BIRC6: variants seen among roughly 807,000 people sequenced by gnomAD.
BIRC6 encodes the protein baculoviral IAP repeat containing 6.
In BIRC6, 98 loss-of-function variants were observed where a neutral mutation model predicts 503.3. The observed-to-expected ratio is 0.19, with a 90% CI of 0.17 to 0.23. BIRC6 has a LOEUF of 0.23. BIRC6 is among the 10% of genes least tolerant of loss of function. The pLI, the probability that BIRC6 is intolerant of heterozygous loss-of-function variation, is 1.00. For missense variants in BIRC6, 5,360 were observed against 5,806.0 expected, an observed-to-expected ratio of 0.92 and a Z score of 2.50; for synonymous variants, 2,240 against 2,078.7, an observed-to-expected ratio of 1.08 and a Z score of -2.11.
chr2:32,473,221 G>A lies in BIRC6; in HGVS notation c.6702G>A (p.Gln2234=), dbSNP rs1322724606. 1.9e-6 allele frequency: 3 copies of A among 1,544,404 alleles called. No homozygotes were observed. In the East Asian group the frequency reaches 7.3e-5, roughly 37 times the overall value. Residue 2234 remains glutamine (Q), a synonymous_variant, in exon 33 of 74, where the codon CAG becomes CAA. Coordinates refer to ENST00000421745, the MANE Select transcript of BIRC6 (RefSeq NM_016252.4). ...TATATTCCAGAAAAATCAGAAAGCA[G>A]CTTGTTCATCATAAACAGGTAATTG... ...DRLYSRKIRK[Q]LVHHKQQLNL... is the part of the protein sequence containing the mutation.
rs749735385 is a variant in BIRC6 at position 32,477,373 on chromosome 2, T to G, written c.6858T>G (p.Phe2286Leu). 3 of 1,613,644 alleles carry G rather than the reference T, an allele frequency of 1.9e-6. No homozygotes were observed. The African/African-American group carries it at 4.0e-5, about 22-fold the overall frequency. ...CTATACATTTTTGTGTGCAGCACTTTAAGGATTTAATTCGTTTACGTCGGA... is the reference window on the plus strand; with the variant it reads ...CTATACATTTTTGTGTGCAGCACTTGAAGGATTTAATTCGTTTACGTCGGA... ...AKLKQATSKH[F>L]KDLIRLRRTA... The change falls in exon 35 of 74, where the codon TTT (phenylalanine) becomes TTG (leucine). Residue 2286 changes from phenylalanine to leucine, a missense_variant. By Grantham distance (22) the Phe-to-Leu change is conservative. Coordinates refer to ENST00000421745, the MANE Select transcript of BIRC6 (RefSeq NM_016252.4).
intron 10 of BIRC6, among the ~76,000 whole-genome samples, chr2:32,425,912 C>T (rs2043437379): frequency 1.3e-5 from 2 of 152,254 alleles, no homozygotes; most frequent in African/African-American, 4.8e-5. Flanking sequence ...ACATGTGCCA[C>T]TTTCCCCCAC....
intron 39 of BIRC6, 131 bp downstream of exon 39, chr2:32,482,713 G>A (rs1292786104): frequency 4.4e-6 from 4 of 902,096 alleles, no homozygotes; most frequent in Admixed American, 5.2e-5. Context: ...TGTGCCGTGA[G>A]TACCATTCAG....
intron 28 of BIRC6, 34 bp from the exon 29 acceptor site, chr2:32,468,403 A>C: frequency 6.8e-7 from 1 of 1,475,990 alleles, no homozygotes; most frequent in Non-Finnish European, 9.2e-7. Flanking sequence ...AGGACATTAC[A>C]AGAATTATTT....
At chr2:32,523,281 A>G (rs2055927572) in intron 57 of BIRC6, 1 of 152,156 alleles carries the variant, frequency 6.6e-6, no homozygotes, top group South Asian at 2.1e-4. Context: ...GGAAGTTGAG[A>G]AATTTTTTTT....
At chr2:32,378,385 A>G (rs1165892837) in intron 2 of BIRC6, among the ~76,000 whole-genome samples, 1 of 152,130 alleles carries the variant, frequency 6.6e-6, no homozygotes, top group Non-Finnish European at 1.5e-5. Context: ...AGACTGGGAA[A>G]GAGGTGGTTC....
chr2:32,429,089 T>C, intron 10 of BIRC6, 57 bp from the exon 11 acceptor site: 1 of 1,403,458 alleles, frequency 7.1e-7, no homozygotes, highest in Admixed American at 2.4e-5. Flanking sequence ...GTATTACATT[T>C]GAATATTTGA....
At chr2:32,544,057 G>A (rs1349222988) in intron 62 of BIRC6, among the ~76,000 whole-genome samples, 1 of 152,156 alleles carries the variant, frequency 6.6e-6, no homozygotes, top group African/African-American at 2.4e-5. Flanking sequence ...TAAATGGAAA[G>A]AGCAGTGTTT....
At chr2:32,403,088 C>T (rs1453770263) in intron 8 of BIRC6, among the ~76,000 whole-genome samples, 1 of 152,136 alleles carries the variant, frequency 6.6e-6, no homozygotes, top group Non-Finnish European at 1.5e-5. Context: ...AAGTCTCAAA[C>T]AAATCATACA....
intron 66 of BIRC6, among the ~76,000 whole-genome samples, chr2:32,589,435 G>T (rs1468402412): frequency 2.0e-5 from 3 of 152,054 alleles, no homozygotes; most frequent in Non-Finnish European, 4.4e-5. Context: ...TTTTCTACCA[G>T]ACTCTTTTAT....
intron 68 of BIRC6, among the ~76,000 whole-genome samples, chr2:32,596,745 G>T (rs1044384639): frequency 9.2e-5 from 14 of 152,140 alleles, no homozygotes; most frequent in African/African-American, 3.4e-4. Flanking sequence ...TCAGCTAATG[G>T]CTTTTAAAAA....
At chr2:32,519,819 A>G (rs2055450985) in intron 57 of BIRC6, among the ~76,000 whole-genome samples, 1 of 152,186 alleles carries the variant, frequency 6.6e-6, no homozygotes. Context: ...CGCCTGGCCC[A>G]TATCAACTTT....
At chr2:32,446,283 A>G (rs955165384) in intron 21 of BIRC6, among the ~76,000 whole-genome samples, 3 of 152,292 alleles carry the variant, frequency 2.0e-5, no homozygotes, top group Admixed American at 2.0e-4. Context: ...TTCTCTGTGC[A>G]CTTTATAGGT....
chr2:32,469,329 A>G (rs1000165769), intron 29 of BIRC6, 66 bp from the exon 30 acceptor site: 4 of 1,158,144 alleles, frequency 3.5e-6, no homozygotes, highest in Non-Finnish European at 4.9e-6. Context: ...GTATTTAGGC[A>G]TGCGTATTTT....
At chr2:32,585,139 G>A (rs1035843433) in intron 66 of BIRC6, among the ~76,000 whole-genome samples, 2 of 152,126 alleles carry the variant, frequency 1.3e-5, no homozygotes, top group African/African-American at 2.4e-5. Flanking sequence ...TTGAAAAGTA[G>A]CAAAGGGTAT....
intron 49 of BIRC6, 151 bp from the exon 50 acceptor site, chr2:32,504,854 C>G: frequency 1.4e-6 from 1 of 702,030 alleles, no homozygotes; most frequent in Non-Finnish European, 2.3e-6. Context: ...AATACCTTTA[C>G]GGTCATGCTT....
intron 55 of BIRC6, among the ~76,000 whole-genome samples, chr2:32,516,076 A>G (rs1224394900): frequency 6.6e-6 from 1 of 152,244 alleles, no homozygotes; most frequent in African/African-American, 2.4e-5. Context: ...CTGGAACAGT[A>G]TGGACACTGA....
At chr2:32,520,486 T>A (rs577284790) in intron 57 of BIRC6, among the ~76,000 whole-genome samples, 1 of 152,192 alleles carries the variant, frequency 6.6e-6, no homozygotes, top group South Asian at 2.1e-4. Flanking sequence ...TTCCTGAAAT[T>A]GTCCATTCTA....
chr2:32,615,559 A>G (rs1440632687), intron 73 of BIRC6, among the ~76,000 whole-genome samples: 1 of 152,234 alleles, frequency 6.6e-6, no homozygotes, highest in Non-Finnish European at 1.5e-5. Flanking sequence ...TGCCTCATAC[A>G]TAAAAATTGT....
Sources: gnomAD v4.1 joint callset for allele counts (sites outside exome capture counted in the v4.1 genomes callset) on GRCh38, gnomAD v4.1.1 for gene constraint, MANE v1.5 for transcripts, NCBI Gene and HGNC (gene_info 2026-07-23, HGNC 2026-07-21) for gene names.